RORC: variants seen among roughly 807,000 people sequenced by gnomAD.
RORC encodes RAR related orphan receptor C.
In RORC, 13 loss-of-function variants were observed where a neutral mutation model predicts 64.5. The observed-to-expected ratio is 0.20, with a 90% confidence interval of 0.13 to 0.32. The LOEUF (loss-of-function observed/expected upper bound fraction) is 0.32. Ranked by LOEUF, RORC falls within the 10% of genes least tolerant of loss-of-function variation. The pLI is 1.00. For missense variants in RORC, 468 were observed against 669.5 expected (o/e 0.70, Z 3.32); for synonymous variants, 277 against 259.3 (o/e 1.07, Z -0.65).
rs199793998 is a variant in RORC, at chr1:151,814,987, T to G, written c.737A>C (p.Gln246Pro). 65 of 1,613,314 alleles carry G rather than the reference T, an allele frequency of 4.0e-5. No homozygotes were observed. Among genetic ancestry groups the G allele is most frequent in the Admixed American group, 2.0e-4 (12 of 60,010 alleles). The change falls in exon 5 of 11, where the codon CAG becomes CCG. Residue 246 changes from glutamine to proline, a missense_variant. By Grantham distance (76) the Gln-to-Pro change is moderately conservative. This residue lies in a region of RORC where 241 missense variants were observed against 295.5 expected (regional missense o/e 0.82). Transcript: ENST00000318247. ...HRHPGLGELG[Q>P]GPDSYGSPSF... ...GGGGCTGCCGTAGCTGTCTGGGCCCTGTCCCAGTTCCCCAAGCCCAGGATG... is the reference window on the plus strand; with the variant it reads ...GGGGCTGCCGTAGCTGTCTGGGCCCGGTCCCAGTTCCCCAAGCCCAGGATG...
intron 6 of RORC, chr1:151,814,275 T>G: frequency 3.3e-6 from 1 of 307,018 alleles, no homozygotes; most frequent in East Asian, 6.1e-5. Context: ...TTATTGTTAT[T>G]GTTGATGGAA....
intron 10 of RORC, 95 bp downstream of exon 10, chr1:151,811,230 C>T (rs1270169249): frequency 5.6e-6 from 4 of 708,758 alleles, no homozygotes; most frequent in African/African-American, 1.8e-5. Context: ...TCCCGCACTC[C>T]CTCCTCTGTA....
intron 8 of RORC, 46 bp from the exon 9 acceptor site, chr1:151,813,103 G>T (rs778386324): frequency 4.0e-6 from 6 of 1,509,674 alleles, no homozygotes; most frequent in Non-Finnish European, 4.6e-6. Flanking sequence ...CTGGAGCGAT[G>T]GTGCCCGAGG....
chr1:151,820,040 C>T (rs971167756), intron 2 of RORC, among the ~76,000 whole-genome samples: 32 of 152,230 alleles, frequency 2.1e-4, no homozygotes, highest in East Asian at 7.7e-4. Context: ...GAGACGGCTG[C>T]GGAAACACTG....
intron 3 of RORC, 74 bp from the exon 4 acceptor site, chr1:151,816,879 A>T: frequency 7.1e-7 from 1 of 1,416,346 alleles, no homozygotes; most frequent in South Asian, 1.6e-5. Flanking sequence ...CCTCCAGCCC[A>T]CAAGCTCTGG....
rs1651370495 is a variant in RORC at position 151,807,744 on chromosome 1, T to C, written c.1396-111A>G. 5.9e-6 allele frequency: 7 copies of C among 1,194,456 alleles called. No individual in the cohort carries two copies. Among genetic ancestry groups the C allele is most frequent in the Admixed American group, 4.5e-5 (2 of 44,520 alleles). The allele number at this position is 1,194,456 out of a possible 1,614,324, so 74.0% of individuals were successfully genotyped here. On this transcript the variant is annotated intron_variant, in intron 10 of 10. Coordinates refer to ENST00000318247, the MANE Select transcript of RORC (RefSeq NM_005060.4). This position sits in a 1 kb window ranked among gnomAD's most constrained non-coding sequence, Gnocchi z 5.0. ...ACAAACCCTCCTTGCCTTCCCCTTA[T>C]GTACTTGGCACTTTGGCACCAGCCA...
At chr1:151,818,605 C>T (rs548837910) in intron 2 of RORC, among the ~76,000 whole-genome samples, 62 of 152,344 alleles carry the variant, frequency 4.1e-4, no homozygotes, top group South Asian at 2.3e-3. Flanking sequence ...TTTAGCATTT[C>T]CCAGAGCACA....
At chr1:151,808,110 C>A (rs1482348706) in intron 10 of RORC, among the ~76,000 whole-genome samples, 1 of 152,206 alleles carries the variant, frequency 6.6e-6, no homozygotes, top group African/African-American at 2.4e-5. Flanking sequence ...CTGTGTAGCA[C>A]TTACTACATT....
rs1651409859 is a variant in RORC at position 151,808,818 on chromosome 1, T to C, written c.1396-1185A>G. ...AAAACTAAAGCTTTTTGTATGGGGT[T>C]ACTGGTCAGGAAAAACCTCTCCCGA... On this transcript the variant is annotated intron_variant, in intron 10 of 10. Coordinates refer to ENST00000318247, the MANE Select transcript of RORC (RefSeq NM_005060.4). Among the ~76,000 whole-genome samples the C allele has an allele frequency of 2.0e-5, 3 of 152,234 alleles. No individual in the cohort carries two copies. The South Asian group carries it at 6.2e-4, about 31-fold the overall frequency.
intron 10 of RORC, among the ~76,000 whole-genome samples, chr1:151,810,984 T>C (rs955719200): frequency 2.0e-5 from 3 of 152,174 alleles, no homozygotes; most frequent in African/African-American, 7.2e-5. Context: ...ACAGATCTCT[T>C]CTTCATACCA....
intron 3 of RORC, 41 bp downstream of exon 3, chr1:151,817,154 G>C: frequency 7.7e-7 from 1 of 1,301,162 alleles, no homozygotes; most frequent in Non-Finnish European, 1.1e-6. Flanking sequence ...GCTTGTGTAT[G>C]CACACGCACA....
intron 2 of RORC, among the ~76,000 whole-genome samples, chr1:151,818,262 T>C (rs1229731115): frequency 6.6e-6 from 1 of 152,174 alleles, no homozygotes; most frequent in Non-Finnish European, 1.5e-5. Flanking sequence ...GGTGTGCTTG[T>C]GGGTGTGCAT....
In RORC at chr1:151,806,681, G is replaced by A. The variant is rs76767249; in HGVS notation, c.*791C>T. 4.5e-4 allele frequency: 68 copies of A among 152,348 alleles called. No individual in the cohort carries two copies. Among genetic ancestry groups the A allele is most frequent in the African/African-American group, 1.6e-3 (68 of 41,566 alleles). The allele number at this position is 152,348 out of a possible 1,614,324, so 9.4% of individuals were successfully genotyped here. On this transcript the variant is annotated 3_prime_UTR_variant, in exon 11 of 11. Transcript: ENST00000318247. ...GAACTGCATGATTGCTGTTGAGTCT[G>A]TATGTGTTTCACCTGTGTATGGATA...
At chr1:151,829,124 C>CCTCCCAT (rs1330489789) in intron 2 of RORC, among the ~76,000 whole-genome samples, 2 of 151,860 alleles carry the variant, frequency 1.3e-5, no homozygotes, top group Non-Finnish European at 2.9e-5. Context: ...GGCCCCACCC[C>CCTCCCAT]CTCCCATCTC....
chr1:151,813,593 C>A lies in RORC; in HGVS notation c.961G>T (p.Ala321Ser), dbSNP rs1483900913. 6.2e-7 allele frequency: 1 copy of A among 1,614,126 alleles called. No individual in the cohort carries two copies. Among genetic ancestry groups the A allele is most frequent in the Non-Finnish European group, 8.5e-7 (1 of 1,179,988 alleles). The change falls in exon 7 of 11, where the codon GCC becomes TCC. Residue 321 changes from alanine (A) to serine (S), a missense_variant. Around this residue, in one of 5 missense-constraint regions of RORC, gnomAD observed 100 missense variants for 190.8 expected, o/e 0.52. Transcript: ENST00000318247. ...TGAATGGCCTCGGTGAGGTGGTGGG[C>A]ACACCGTTCCCACATCTCCCACATG... ...KSMWEMWERC[A>S]HHLTEAIQYV... is the part of the protein sequence containing the mutation.
chr1:151,830,617 G>GACACACAC lies in RORC; in HGVS notation c.40+1107_40+1108insGTGTGTGT, dbSNP rs1184659088. 3.5e-5 allele frequency among the ~76,000 whole-genome samples: 1 copy of GACACACAC among 28,316 alleles called. No homozygotes were observed. Among genetic ancestry groups the GACACACAC allele is most frequent in the African/African-American group, 7.6e-5 (1 of 13,204 alleles). The allele number at this position is 28,316 out of a possible 152,430, so 18.6% of individuals were successfully genotyped here. On this transcript the variant is annotated intron_variant, in intron 1 of 10. Transcript: ENST00000318247. This position sits in a 1 kb window ranked among gnomAD's most constrained non-coding sequence, Gnocchi z 4.0. Reference sequence around the variant, plus strand: ...CTTCTGCTGTTCAGTCTTGACACCTGACATACACACACACACACACACACA... The same window carrying GACACACAC: ...CTTCTGCTGTTCAGTCTTGACACCTGACACACACACATACACACACACACACACACACA...
intron 2 of RORC, chr1:151,826,191 G>T (rs1652190222): frequency 1.1e-6 from 1 of 920,148 alleles, no homozygotes; most frequent in Non-Finnish European, 1.4e-6. Flanking sequence ...GGCGCCCCAC[G>T]TGGCCAATCT....
At position 151,807,422 on chromosome 1, in the gene RORC, G is replaced by T; in HGVS notation, c.*50C>A. The T allele has an allele frequency of 6.3e-7, 1 of 1,587,362 alleles. No homozygotes were observed. The highest frequency in any genetic ancestry group is 8.6e-7 in the Non-Finnish European group (1 of 1,158,970). ...AGGGTGAGGGTGGAACGGGGTCCAG[G>T]GAGGTGGGCCAGCAGGCCATAGGGA... is the stretch of plus-strand genomic sequence containing the variant. On this transcript the variant is annotated 3_prime_UTR_variant, in exon 11 of 11. Coordinates refer to ENST00000318247, the MANE Select transcript of RORC (RefSeq NM_005060.4). The surrounding 1 kb of genome is among the most constrained non-coding windows in gnomAD (Gnocchi z 5.0).
rs1166781825 is a variant in RORC at position 151,830,862 on chromosome 1, C to G, written c.40+863G>C. The G allele has an allele frequency of 9.1e-7, 1 of 1,101,806 alleles. No homozygotes were observed. 68.3% of individuals were successfully genotyped at this position (1,101,806 alleles called of 1,614,324 possible). On this transcript the variant is annotated intron_variant, in intron 1 of 10. Transcript: ENST00000318247. The surrounding 1 kb of genome is among the most constrained non-coding windows in gnomAD (Gnocchi z 4.0). ...ACCCAGCTTCCTCCCTGACGTGGCA[C>G]CGGCTCCTGGCCTCTAGCCTTGCAC... is the stretch of plus-strand genomic sequence containing the variant.
Sources: gnomAD v4.1 joint callset for allele counts (sites outside exome capture counted in the v4.1 genomes callset) on GRCh38, gnomAD v4.1.1 for gene constraint, gnomAD v4.1.1 regional missense constraint, Gnocchi (gnomAD v3.1) non-coding constraint, MANE v1.5 for transcripts, NCBI Gene and HGNC (gene_info 2026-07-23, HGNC 2026-07-21) for gene names.